Variants in MFSD1 observed in about 807,000 individuals in gnomAD.
MFSD1 encodes the protein lysosomal dipeptide transporter MFSD1.
Under a neutral mutation model 67.1 loss-of-function variants are expected in MFSD1, and 59 were observed. The observed-to-expected ratio is 0.88, with a 90% CI of 0.71 to 1.09. MFSD1 has a LOEUF of 1.09. Among genes scored for constraint, MFSD1 ranks in the 50% least tolerant of loss-of-function variants. The pLI is 0.00. For synonymous variants in MFSD1, 213 were observed against 200.3 expected, an observed-to-expected ratio of 1.06 and a Z score of -0.54; for missense variants, 552 against 566.1, an observed-to-expected ratio of 0.97 and a Z score of 0.25.
intron 6 of MFSD1, 87 bp downstream of exon 6, chr3:158,809,374 A>G (rs1462164736): frequency 8.2e-6 from 7 of 851,594 alleles, no homozygotes; most frequent in Non-Finnish European, 1.3e-5. Context: ...GATGAAATGT[A>G]TTTGTGTATG....
chr3:158,818,263 T>G (rs1345886011), intron 7 of MFSD1, among the ~76,000 whole-genome samples: 3 of 152,202 alleles, frequency 2.0e-5, no homozygotes, highest in Non-Finnish European at 4.4e-5. Context: ...TGGGTACAAT[T>G]TGATGTTTCC....
chr3:158,827,939 A>AGG, intron 15 of MFSD1, among the ~76,000 whole-genome samples: 1 of 32,808 alleles, frequency 3.0e-5, no homozygotes, highest in Non-Finnish European at 6.6e-5. Flanking sequence ...AGAGAGAGAG[A>AGG]GAGGGGGAGA....
At chr3:158,802,339 G>T (rs1432449774) in intron 1 of MFSD1, 24 bp downstream of exon 1, 2 of 1,610,148 alleles carry the variant, frequency 1.2e-6, no homozygotes, top group Non-Finnish European at 1.7e-6. Flanking sequence ...GTGGGTTGGG[G>T]CTGATCTTTA....
chr3:158,826,063 G>T lies in MFSD1; in HGVS notation c.1336+1G>T. On this transcript the variant is annotated splice_donor_variant, in intron 14 of 15. Coordinates refer to ENST00000415822, the MANE Select transcript of MFSD1 (RefSeq NM_022736.4). LOFTEE classifies it high-confidence loss of function. ...CTCTATTTGGTGAATCGTGCCCAGG[G>T]TAAGTAGAAGATCTGATATTTGCTT... 1 of 1,613,112 alleles carries T rather than the reference G, an allele frequency of 6.2e-7. No individual in the cohort carries two copies. The highest frequency in any genetic ancestry group is 8.5e-7 in the Non-Finnish European group (1 of 1,179,256).
At chr3:158,824,305 G>C in intron 13 of MFSD1, 69 bp downstream of exon 13, 1 of 1,118,308 alleles carries the variant, frequency 8.9e-7, no homozygotes, top group Non-Finnish European at 1.3e-6. Context: ...TTTTACTTAG[G>C]CATAGCTCCC....
intron 1 of MFSD1, among the ~76,000 whole-genome samples, chr3:158,803,356 TC>T (rs1225767080): frequency 6.6e-6 from 1 of 151,944 alleles, no homozygotes; most frequent in African/African-American, 2.4e-5. Context: ...AACTCCTTTT[TC>T]CCCCCTCCCC....
chr3:158,829,271 T>C lies in MFSD1; in HGVS notation c.*289T>C. 3.9e-6 allele frequency: 1 copy of C among 254,930 alleles called. No individual in the cohort carries two copies. The highest frequency in any genetic ancestry group is 7.4e-6 in the Non-Finnish European group (1 of 135,974). 15.8% of individuals were successfully genotyped at this position (254,930 alleles called of 1,614,324 possible). On this transcript the variant is annotated 3_prime_UTR_variant, in exon 16 of 16. Coordinates refer to ENST00000415822, the MANE Select transcript of MFSD1 (RefSeq NM_022736.4). ...GAACTTCAGGAAAGACAGTGAAAAA[T>C]GGAAAACGTTGGAGCTTCTGTTGAG...
chr3:158,824,642 T>G (rs1379317833), intron 13 of MFSD1, among the ~76,000 whole-genome samples: 1 of 152,194 alleles, frequency 6.6e-6, no homozygotes, highest in Non-Finnish European at 1.5e-5. Context: ...TACCTGTAAT[T>G]TCATTGGTTT....
At chr3:158,809,059 G>A in intron 5 of MFSD1, 120 bp from the exon 6 acceptor site, 2 of 622,212 alleles carry the variant, frequency 3.2e-6, no homozygotes, top group Non-Finnish European at 5.4e-6. Context: ...TCAAGGGGAG[G>A]GGACAGAGGC....
intron 15 of MFSD1, among the ~76,000 whole-genome samples, chr3:158,827,983 A>ACAGACATC (rs1731098889): frequency 1.4e-5 from 2 of 147,170 alleles, no homozygotes; most frequent in African/African-American, 5.1e-5. Flanking sequence ...AGAGAGACAG[A>ACAGACATC]GATCGATCTA....
chr3:158,827,450 TGTC>T (rs1481937771), intron 15 of MFSD1, 113 bp downstream of exon 15: 2 of 578,590 alleles, frequency 3.5e-6, no homozygotes, highest in Non-Finnish European at 5.7e-6. Context: ...TTCCCATGCT[TGTC>T]GTCCAGGCTG....
In MFSD1 at chr3:158,821,910, T is replaced by C. The variant is rs976784481; in HGVS notation, c.921-74T>C. 2.2e-5 allele frequency: 33 copies of C among 1,481,468 alleles called. No individual in the cohort carries two copies. The East Asian group carries it at 2.7e-4, about 12-fold the overall frequency. 91.8% of individuals were successfully genotyped at this position (1,481,468 alleles called of 1,614,324 possible). On this transcript the variant is annotated intron_variant, in intron 10 of 15. Transcript: ENST00000415822. ...GAGTTAGGATTTGCTTTGCCTGATA[T>C]TTTCAAGACTTTCTTGAAACTGATG...
intron 4 of MFSD1, 40 bp downstream of exon 4, chr3:158,807,122 C>T (rs1212812670): frequency 1.9e-6 from 3 of 1,540,756 alleles, no homozygotes; most frequent in African/African-American, 2.7e-5. Flanking sequence ...TTGACAGTGA[C>T]TTCTAAATTC....
At chr3:158,827,370 T>G (rs1174300351) in intron 15 of MFSD1, 33 bp downstream of exon 15, 2 of 1,298,946 alleles carry the variant, frequency 1.5e-6, no homozygotes, top group South Asian at 1.5e-5. Flanking sequence ...GTTGTCTTTA[T>G]TTTTGAAATC....
At chr3:158,816,885 C>G (rs1473748522) in intron 7 of MFSD1, among the ~76,000 whole-genome samples, 3 of 149,670 alleles carry the variant, frequency 2.0e-5, no homozygotes, top group Non-Finnish European at 4.4e-5. Flanking sequence ...CCAGTTTTCC[C>G]AGCACCATTT....
intron 7 of MFSD1, among the ~76,000 whole-genome samples, chr3:158,817,101 AAAT>A (rs1303666407): frequency 1.3e-5 from 2 of 152,146 alleles, no homozygotes; most frequent in African/African-American, 4.8e-5. Context: ...ACGTGTCTCA[AAAT>A]AATAAGAGCT....
intron 6 of MFSD1, among the ~76,000 whole-genome samples, chr3:158,809,702 C>T (rs914682127): frequency 2.0e-5 from 3 of 152,204 alleles, no homozygotes; most frequent in Non-Finnish European, 4.4e-5. Context: ...CGTAACCTCA[C>T]ATAGCGATGA....
intron 1 of MFSD1, among the ~76,000 whole-genome samples, chr3:158,803,375 T>A (rs1375521240): frequency 6.6e-6 from 1 of 152,090 alleles, no homozygotes; most frequent in East Asian, 1.9e-4. Flanking sequence ...CCCTGTTTTT[T>A]AAAAGATGAT....
At chr3:158,828,707 A>G (rs1275305379) in intron 15 of MFSD1, among the ~76,000 whole-genome samples, 1 of 152,182 alleles carries the variant, frequency 6.6e-6, no homozygotes, top group Non-Finnish European at 1.5e-5. Context: ...CCAATTACTT[A>G]TGTATAATAG....
Sources: gnomAD v4.1 joint callset for allele counts (sites outside exome capture counted in the v4.1 genomes callset) on GRCh38, gnomAD v4.1.1 for gene constraint, MANE v1.5 for transcripts, NCBI Gene and HGNC (gene_info 2026-07-23, HGNC 2026-07-21) for gene names.